ITGA9: variants seen among roughly 807,000 people sequenced by gnomAD.
ITGA9 encodes integrin alpha-9.
In ITGA9, 56 loss-of-function variants were observed where a neutral mutation model predicts 127.8. The ratio of observed to expected loss-of-function variants is 0.44; its 90% confidence interval spans 0.35 to 0.55. The LOEUF is 0.55. ITGA9 is among the 20% of genes least tolerant of loss of function. The probability of loss-of-function intolerance (pLI) is 0.00; values close to 1 mark genes in which losing one functional copy is unlikely to be tolerated. For synonymous variants in ITGA9, 508 were observed against 514.5 expected (o/e 0.99, Z 0.17); for missense variants, 1,196 against 1,347.1 (o/e 0.89, Z 1.76).
At chr3:37,677,677 T>A (rs941041651) in intron 17 of ITGA9, among the ~76,000 whole-genome samples, 125 of 152,258 alleles carry the variant, frequency 8.2e-4, no homozygotes, top group African/African-American at 2.8e-3. Context: ...GGGTTAGAGC[T>A]CTGCCCTTGT....
chr3:37,561,339 G>A (rs1699485833), intron 15 of ITGA9, among the ~76,000 whole-genome samples: 1 of 152,190 alleles, frequency 6.6e-6, no homozygotes, highest in Non-Finnish European at 1.5e-5. Flanking sequence ...GTGGGTAGTG[G>A]TGACCGTATC....
At chr3:37,541,973 C>T (rs547160300) in intron 14 of ITGA9, among the ~76,000 whole-genome samples, 2 of 152,286 alleles carry the variant, frequency 1.3e-5, no homozygotes, top group South Asian at 4.2e-4. Context: ...AGATGGTTCC[C>T]TTGTGTTGGG....
At chr3:37,785,240 T>A (rs1697025878) in intron 26 of ITGA9, among the ~76,000 whole-genome samples, 162 bp downstream of exon 26, 1 of 152,116 alleles carries the variant, frequency 6.6e-6, no homozygotes, top group East Asian at 1.9e-4. Flanking sequence ...AGGCCCCCCC[T>A]GGAGAACTTC....
At chr3:37,466,849 C>T (rs1698378844) in intron 1 of ITGA9, among the ~76,000 whole-genome samples, 1 of 152,146 alleles carries the variant, frequency 6.6e-6, no homozygotes, top group Non-Finnish European at 1.5e-5. Context: ...CACTCAGGCC[C>T]TTTTATGTGG....
At position 37,452,635 on chromosome 3, in the gene ITGA9, C is replaced by T; in HGVS notation, c.185+76C>T. 1.6e-6 allele frequency: 2 copies of T among 1,281,126 alleles called. No individual in the cohort carries two copies. The highest frequency in any genetic ancestry group is 2.1e-6 in the Non-Finnish European group (2 of 974,090). The allele number at this position is 1,281,126 out of a possible 1,614,324, so 79.4% of individuals were successfully genotyped here. On this transcript the variant is annotated intron_variant, in intron 1 of 27. Coordinates refer to ENST00000264741, the MANE Select transcript of ITGA9 (RefSeq NM_002207.3). This position sits in a 1 kb window ranked among gnomAD's most constrained non-coding sequence, Gnocchi z 7.3. ...GCCCCCAGGCCAGCGCCGCCGCCGC[C>T]TTTCCGGTCTCTTCCACGCCGCCGT... is the stretch of plus-strand genomic sequence containing the variant.
At chr3:37,494,397 C>T (rs529305835) in intron 4 of ITGA9, 104 bp from the exon 5 acceptor site, 26 of 808,966 alleles carry the variant, frequency 3.2e-5, no homozygotes, top group African/African-American at 1.3e-4. Context: ...CCCAGCCTGC[C>T]GCGGCACTCG....
chr3:37,676,126 A>G (rs1212468074), intron 17 of ITGA9, among the ~76,000 whole-genome samples: 3 of 152,248 alleles, frequency 2.0e-5, no homozygotes, highest in East Asian at 1.9e-4. Context: ...AGTATGTATC[A>G]TTAAAGATTT....
chr3:37,556,502 C>T (rs979493555), intron 15 of ITGA9, among the ~76,000 whole-genome samples: 1 of 152,196 alleles, frequency 6.6e-6, no homozygotes, highest in Admixed American at 6.5e-5. Flanking sequence ...CACGTTCTTT[C>T]TCTCTGGACC....
intron 18 of ITGA9, among the ~76,000 whole-genome samples, chr3:37,685,117 A>G (rs192459461): frequency 8.5e-5 from 13 of 152,282 alleles, no homozygotes; most frequent in Non-Finnish European, 8.8e-5. Context: ...TGGAACCAAA[A>G]TCACTTTCTG....
chr3:37,730,676 C>A (rs923082035), intron 18 of ITGA9, among the ~76,000 whole-genome samples: 2 of 152,314 alleles, frequency 1.3e-5, no homozygotes, highest in African/African-American at 2.4e-5. Context: ...TACGACAACT[C>A]AGCTACCCAG....
Position 37,517,488 on chromosome 3 carries a change from C to T in ITGA9, c.1036-16C>T. ...TTTGTTTTGTTTTCCATTTTCTCCT[C>T]CATCCTGTTTCCCAGGGAGCCCTCG... is the stretch of plus-strand genomic sequence containing the variant. On this transcript the variant is annotated splice_polypyrimidine_tract_variant and intron_variant, in intron 9 of 27. Transcript: ENST00000264741. 1.9e-6 allele frequency: 3 copies of T among 1,543,408 alleles called. No homozygotes were observed. The highest frequency in any genetic ancestry group is 2.6e-6 in the Non-Finnish European group (3 of 1,132,710).
At chr3:37,513,923 T>A in intron 9 of ITGA9, 23 bp downstream of exon 9, 1 of 1,612,326 alleles carries the variant, frequency 6.2e-7, no homozygotes, top group Non-Finnish European at 8.5e-7. Context: ...CTGGGCAATG[T>A]GCGGATGGGT....
chr3:37,613,413 A>G (rs1351726957), intron 15 of ITGA9, among the ~76,000 whole-genome samples: 5 of 152,104 alleles, frequency 3.3e-5, no homozygotes, highest in Admixed American at 1.3e-4. Flanking sequence ...GAATAGTGCC[A>G]CAATAAACAT....
intron 26 of ITGA9, among the ~76,000 whole-genome samples, chr3:37,792,517 T>C (rs1376053034): frequency 1.3e-5 from 2 of 152,100 alleles, no homozygotes; most frequent in Non-Finnish European, 2.9e-5. Flanking sequence ...GGAGGAGAGC[T>C]GTATGGAGCC....
intron 26 of ITGA9, among the ~76,000 whole-genome samples, chr3:37,803,382 G>A (rs769266166): frequency 5.3e-5 from 8 of 152,144 alleles, no homozygotes; most frequent in Admixed American, 3.3e-4. Context: ...ATCGTTCAGC[G>A]GAGCTTATGT....
intron 5 of ITGA9, among the ~76,000 whole-genome samples, chr3:37,500,741 T>C (rs1413020332): frequency 1.3e-5 from 2 of 152,236 alleles, no homozygotes; most frequent in African/African-American, 4.8e-5. Flanking sequence ...GTGCGTGGGC[T>C]CGTCTCTGCA....
intron 17 of ITGA9, among the ~76,000 whole-genome samples, chr3:37,678,739 G>A (rs1412613882): frequency 2.0e-5 from 3 of 152,192 alleles, no homozygotes; most frequent in South Asian, 4.1e-4. Context: ...TATCTGGATA[G>A]AAGAGGAAAT....
At position 37,452,391 on chromosome 3, in the gene ITGA9, C is replaced by T. The variant is rs1220251622; in HGVS notation, c.17C>T (p.Ala6Val). 1.6e-5 allele frequency: 21 copies of T among 1,334,988 alleles called. No homozygotes were observed. Among genetic ancestry groups the T allele is most frequent in the Non-Finnish European group, 1.8e-5 (19 of 1,044,094 alleles). 82.7% of individuals were successfully genotyped at this position (1,334,988 alleles called of 1,614,324 possible). A position where few individuals can be genotyped will look rare whatever the true frequency, so the allele number is the denominator to read the frequency against. The stretch of plus-strand genomic sequence containing the variant: ...CGGCTGGGGATGGGCGGCCCGGCTG[C>T]GCCGAGGGGCGCCGGGAGGCTCCGC... The part of the protein sequence containing the change: MGGPA[A>V]PRGAGRLRAL... Residue 6 changes from alanine to valine, a missense_variant, in exon 1 of 28, where the codon GCG becomes GTG. Transcript: ENST00000264741. This position sits in a 1 kb window ranked among gnomAD's most constrained non-coding sequence, Gnocchi z 7.3.
intron 1 of ITGA9, among the ~76,000 whole-genome samples, chr3:37,464,442 C>T (rs1698349654): frequency 6.6e-6 from 1 of 152,122 alleles, no homozygotes; most frequent in Non-Finnish European, 1.5e-5. Flanking sequence ...TTTCTTTGAA[C>T]ACCTACTTTG....
Sources: gnomAD v4.1 joint callset for allele counts (sites outside exome capture counted in the v4.1 genomes callset) on GRCh38, gnomAD v4.1.1 for gene constraint, Gnocchi (gnomAD v3.1) non-coding constraint, MANE v1.5 for transcripts, NCBI Gene and HGNC (gene_info 2026-07-23, HGNC 2026-07-21) for gene names.